Variants in FBXL13 observed in about 807,000 individuals in gnomAD.
FBXL13 encodes the protein F-box and leucine rich repeat protein 13, also known as F-box and leucine-rich repeat protein 13.
FBXL13 carries 67 observed loss-of-function variants against 83.6 expected under a neutral mutation model. That is an observed-to-expected ratio of 0.80 (90% CI 0.66 to 0.98). The LOEUF (loss-of-function observed/expected upper bound fraction) is 0.98. FBXL13 is among the 50% of genes least tolerant of loss of function. The pLI is 0.00. For missense variants in FBXL13, 822 were observed against 866.5 expected, an observed-to-expected ratio of 0.95 and a Z score of 0.64; for synonymous variants, 272 against 299.5, an observed-to-expected ratio of 0.91 and a Z score of 0.95.
intron 6 of FBXL13, among the ~76,000 whole-genome samples, chr7:103,022,055 C>T (rs1793246020): frequency 6.6e-6 from 1 of 152,064 alleles, no homozygotes; most frequent in Non-Finnish European, 1.5e-5. Context: ...GCACTAGTCA[C>T]AATAGCAAAG....
chr7:103,050,481 A>AT lies in FBXL13; in HGVS notation c.-1+5162dup, dbSNP rs1425694747. Among the ~76,000 whole-genome samples, 4 of 152,194 alleles carry AT rather than the reference A, an allele frequency of 2.6e-5. No homozygotes were observed. The East Asian group carries it at 7.7e-4, about 29-fold the overall frequency. On this transcript the variant is annotated intron_variant, in intron 2 of 19. Coordinates refer to ENST00000313221, the Ensembl canonical transcript of FBXL13. ...CATTAGCCACTCTGCTTAGCACCCA[A>AT]TATCAAACTGGTAAGGCTTAAATTT...
At chr7:102,959,845 T>C (rs1255859574) in intron 8 of FBXL13, among the ~76,000 whole-genome samples, 3 of 152,068 alleles carry the variant, frequency 2.0e-5, no homozygotes, top group African/African-American at 7.2e-5. Context: ...GTATGTTACA[T>C]CTATAACATA....
chr7:102,962,384 G>C (rs1204798508), intron 8 of FBXL13, among the ~76,000 whole-genome samples: 1 of 152,134 alleles, frequency 6.6e-6, no homozygotes, highest in African/African-American at 2.4e-5. Context: ...CACTGTCGGT[G>C]GGACTGTAAA....
chr7:102,812,508 G>A (rs1001559300), downstream of FBXL13, among the ~76,000 whole-genome samples: 12 of 152,194 alleles, frequency 7.9e-5, no homozygotes, highest in Admixed American at 5.2e-4. Flanking sequence ...GTTAATTGGC[G>A]GCATTTAGTT....
chr7:103,063,685 T>C (rs952313343), intron 1 of FBXL13, among the ~76,000 whole-genome samples: 7 of 151,446 alleles, frequency 4.6e-5, no homozygotes, highest in Admixed American at 3.9e-4. Flanking sequence ...CAGTTAACAA[T>C]TGGTGAAGCC....
intron 8 of FBXL13, chr7:102,944,566 A>C: frequency 6.2e-7 from 1 of 1,611,468 alleles, no homozygotes; most frequent in Non-Finnish European, 8.5e-7. Context: ...TAGAGATCAC[A>C]CCGCAAAGAA....
chr7:103,001,485 A>G (rs1309476231), intron 6 of FBXL13, among the ~76,000 whole-genome samples: 2 of 152,158 alleles, frequency 1.3e-5, no homozygotes, highest in Non-Finnish European at 1.5e-5. Flanking sequence ...TGCCTAGACG[A>G]CTGGTAAAGT....
At chr7:103,040,253 T>A (rs1235951818) in intron 2 of FBXL13, among the ~76,000 whole-genome samples, 1 of 152,062 alleles carries the variant, frequency 6.6e-6, no homozygotes, top group Non-Finnish European at 1.5e-5. Context: ...GGTAAAGGGA[T>A]CAATTCACCA....
At chr7:103,053,229 T>C (rs1797008413) in intron 2 of FBXL13, among the ~76,000 whole-genome samples, 1 of 151,956 alleles carries the variant, frequency 6.6e-6, no homozygotes, top group African/African-American at 2.4e-5. Flanking sequence ...CTTGGCACAT[T>C]GCAACCTCCA....
At chr7:103,046,906 T>G (rs1563268335) in intron 2 of FBXL13, 2 of 152,266 alleles carry the variant, frequency 1.3e-5, no homozygotes, top group East Asian at 3.8e-4. Flanking sequence ...AAAGTTTTGT[T>G]GCAGTGTGGA....
At chr7:102,862,694 A>G (rs1215193045) in intron 16 of FBXL13, among the ~76,000 whole-genome samples, 5 of 152,250 alleles carry the variant, frequency 3.3e-5, no homozygotes, top group African/African-American at 7.2e-5. Context: ...ACAAAAATTG[A>G]TGGATACTGC....
intron 11 of FBXL13, among the ~76,000 whole-genome samples, chr7:102,909,429 C>T (rs977042598): frequency 3.3e-5 from 5 of 152,094 alleles, no homozygotes; most frequent in African/African-American, 1.2e-4. Flanking sequence ...GTAAGACTGT[C>T]CCCACTGCTT....
downstream of FBXL13, among the ~76,000 whole-genome samples, chr7:102,812,581 A>G (rs974677495): frequency 1.3e-5 from 2 of 152,172 alleles, no homozygotes; most frequent in African/African-American, 4.8e-5. Flanking sequence ...AAATATTAAT[A>G]TATGTCTGTA....
At chr7:102,973,787 GC>G in intron 6 of FBXL13, 2 of 754,700 alleles carry the variant, frequency 2.7e-6, no homozygotes, top group Non-Finnish European at 4.9e-6. Context: ...TTTCCCGGGA[GC>G]CCGGTTAACA....
intron 6 of FBXL13, among the ~76,000 whole-genome samples, chr7:102,985,321 A>G (rs1434189105): frequency 1.3e-5 from 2 of 152,216 alleles, no homozygotes; most frequent in Non-Finnish European, 2.9e-5. Flanking sequence ...TGCACTTCAC[A>G]CTATCCAGAA....
intron 8 of FBXL13, among the ~76,000 whole-genome samples, chr7:102,936,990 C>A (rs1016683079): frequency 2.0e-5 from 3 of 151,918 alleles, no homozygotes; most frequent in Non-Finnish European, 4.4e-5. Context: ...TTATTGCTTT[C>A]TTCAACTTAT....
intron 10 of FBXL13, among the ~76,000 whole-genome samples, chr7:102,915,322 G>T (rs1013067915): frequency 1.3e-5 from 2 of 151,872 alleles, no homozygotes; most frequent in African/African-American, 4.8e-5. Flanking sequence ...CATAGTAGAA[G>T]ATTTAAAACT....
Position 102,877,457 on chromosome 7 carries a change from AT to A in FBXL13, c.1635+9del. On this transcript the variant is annotated intron_variant, in intron 16 of 19. Transcript: ENST00000313221. ...AATAAAAGTCATTGTACTGTTTTGAATTTTTTTACCTCATTAGAGATGTCTG... is the reference window on the plus strand; with the variant it reads ...AATAAAAGTCATTGTACTGTTTTGAATTTTTTACCTCATTAGAGATGTCTG... 1.9e-6 allele frequency: 3 copies of A among 1,570,100 alleles called. No individual in the cohort carries two copies. The highest frequency in any genetic ancestry group is 2.6e-6 in the Non-Finnish European group (3 of 1,163,622).
At chr7:103,037,662 C>T (rs1795204288) in intron 2 of FBXL13, among the ~76,000 whole-genome samples, 1 of 151,738 alleles carries the variant, frequency 6.6e-6, no homozygotes, top group South Asian at 2.1e-4. Flanking sequence ...AAAAATTAGC[C>T]AGGTGTGGTA....
Sources: allele counts gnomAD v4.1 joint callset (sites outside exome capture counted in the v4.1 genomes callset), GRCh38; gene constraint gnomAD v4.1.1; transcripts MANE v1.5; gene names NCBI Gene and HGNC (gene_info 2026-07-23, HGNC 2026-07-21).